CXCL12: variants seen among roughly 807,000 people sequenced by gnomAD.
CXCL12 encodes the protein C-X-C motif chemokine ligand 12.
CXCL12 carries 4 observed loss-of-function variants against 10.7 expected under a neutral mutation model. That is an observed-to-expected ratio of 0.37 (90% CI 0.18 to 0.86). CXCL12 has a LOEUF of 0.86. Ranked by LOEUF, CXCL12 falls within the 40% of genes least tolerant of loss-of-function variation. CXCL12 has a pLI of 0.43. For missense variants in CXCL12, 122 were observed against 110.4 expected (o/e 1.10, Z -0.47); for synonymous variants, 54 against 45.4 (o/e 1.19, Z -0.77).
At chr10:44,373,366 A>G (rs1255208477), downstream of CXCL12, 1 of 1,594,990 alleles carries the variant, frequency 6.3e-7, no homozygotes, top group Non-Finnish European at 8.6e-7. Flanking sequence ...ACAGAGGGAA[A>G]CACCATTAAG....
downstream of CXCL12, chr10:44,374,755 T>C (rs1839408995): frequency 2.3e-6 from 1 of 443,496 alleles, no homozygotes; most frequent in Non-Finnish European, 4.6e-6. Flanking sequence ...CCAACCACTT[T>C]CTCTTTCTGC....
downstream of CXCL12, chr10:44,371,218 A>G (rs1839304243): frequency 4.1e-6 from 1 of 246,384 alleles, no homozygotes; most frequent in African/African-American, 2.3e-5. Flanking sequence ...TTTTCCCTGC[A>G]GTTTCTACTC....
Position 44,378,486 on chromosome 10 carries a change from C to A in CXCL12, c.*147G>T, listed in dbSNP as rs995981792. 3 of 1,537,316 alleles carry A rather than the reference C, an allele frequency of 2.0e-6. No individual in the cohort carries two copies. Among genetic ancestry groups the A allele is most frequent in the African/African-American group, 1.4e-5 (1 of 73,448 alleles). On this transcript the variant is annotated 3_prime_UTR_variant, in exon 3 of 3. Transcript: ENST00000343575. ...TCTAAATGCTGGCAAACCTCAGGCCCGATCCCAGATCAATGTGCCCACCCC... is the reference window on the plus strand; with the variant it reads ...TCTAAATGCTGGCAAACCTCAGGCCAGATCCCAGATCAATGTGCCCACCCC...
chr10:44,377,155 T>C lies in CXCL12; in HGVS notation c.*1478A>G. On this transcript the variant is annotated 3_prime_UTR_variant, in exon 3 of 3. Coordinates refer to ENST00000343575, the MANE Select transcript of CXCL12 (RefSeq NM_199168.4). ...TTATACCATGAAACAATTAGCATTT[T>C]ATTGCTAGTGCATATAATGTCACAT... The C allele has an allele frequency of 1.0e-6, 1 of 986,050 alleles. No individual in the cohort carries two copies. Among genetic ancestry groups the C allele is most frequent in the South Asian group, 4.7e-5 (1 of 21,352 alleles). The allele number at this position is 986,050 out of a possible 1,614,324, so 61.1% of individuals were successfully genotyped here. A position where few individuals can be genotyped will look rare whatever the true frequency, so the allele number is the denominator to read the frequency against.
intron 2 of CXCL12, 58 bp from the exon 3 acceptor site, chr10:44,378,781 C>T (rs958441574): frequency 1.5e-5 from 23 of 1,542,312 alleles, no homozygotes; most frequent in Admixed American, 1.7e-5. Context: ...GCGGCTGCAA[C>T]GTGTGCATCC....
downstream of CXCL12, chr10:44,374,354 C>G (rs772857984): frequency 4.7e-6 from 2 of 427,704 alleles, no homozygotes; most frequent in East Asian, 1.4e-4. Context: ...CCTCTCGGGG[C>G]GCTTTTGTCA....
downstream of CXCL12, chr10:44,376,124 G>T (rs548994243): frequency 6.4e-5 from 89 of 1,383,716 alleles, 1 homozygote; most frequent in Middle Eastern, 1.8e-4. Context: ...CCGTGTACTG[G>T]TTAAACTGTG....
chr10:44,372,645 A>G (rs905606637), downstream of CXCL12: 62 of 1,365,528 alleles, frequency 4.5e-5, no homozygotes, highest in East Asian at 1.4e-4. Flanking sequence ...AGGGCCATGG[A>G]GACAGTCGTG....
Position 44,378,683 on chromosome 10 carries a change from G to A in CXCL12, c.220C>T (p.Pro74Ser), listed in dbSNP as rs751373365. 3.7e-6 allele frequency: 6 copies of A among 1,614,048 alleles called. No homozygotes were observed. The highest frequency in any genetic ancestry group is 5.1e-6 in the Non-Finnish European group (6 of 1,180,048). Residue 74 changes from proline to serine, a missense_variant, in exon 3 of 3, where the codon CCG becomes TCG. Transcript: ENST00000343575. ...TACTCCTGAATCCACTTTAGCTTCG[G>A]GTCAATGCACACTTGTCTGTTGTTG... ...KNNNRQVCID[P>S]KLKWIQEYLE...
downstream of CXCL12, among the ~76,000 whole-genome samples, chr10:44,373,589 C>T (rs531917306): frequency 5.3e-5 from 8 of 152,336 alleles, no homozygotes; most frequent in African/African-American, 1.4e-4. Context: ...GTGGCAAGCA[C>T]TGGGCGTGGC....
rs374272681 is a variant in CXCL12 at position 44,380,904 on chromosome 10, G to A, written c.62-24C>T. The A allele has an allele frequency of 2.1e-5, 34 of 1,593,844 alleles. No individual in the cohort carries two copies. The East Asian group carries it at 3.4e-4, about 16-fold the overall frequency. ...CCCTAGAAGAGGTAAGGACAACAAGGCACTTTACTACCCTGCCAGATTTTG... is the reference window on the plus strand; with the variant it reads ...CCCTAGAAGAGGTAAGGACAACAAGACACTTTACTACCCTGCCAGATTTTG... On this transcript the variant is annotated intron_variant, in intron 1 of 2. Transcript: ENST00000343575.
At chr10:44,371,075 A>G, downstream of CXCL12, 1 of 215,276 alleles carries the variant, frequency 4.6e-6, no homozygotes, top group Non-Finnish European at 9.4e-6. Flanking sequence ...AGCAGTTCGA[A>G]AGCAAAAAGA....
chr10:44,373,098 T>G (rs1319084119), downstream of CXCL12: 1 of 1,536,008 alleles, frequency 6.5e-7, no homozygotes, highest in African/African-American at 1.4e-5. Context: ...GGCCTTAGTC[T>G]AAGCTGCTAC....
chr10:44,376,486 G>T (rs1281277215), downstream of CXCL12, among the ~76,000 whole-genome samples: 1 of 152,198 alleles, frequency 6.6e-6, no homozygotes, highest in African/African-American at 2.4e-5. Flanking sequence ...GAGGCTGCAG[G>T]CCCCAGGTTC....
chr10:44,375,385 T>A (rs992267973), downstream of CXCL12, among the ~76,000 whole-genome samples: 7 of 152,160 alleles, frequency 4.6e-5, no homozygotes, highest in Non-Finnish European at 8.8e-5. Flanking sequence ...CAATGGGTAT[T>A]TGGAAAAAGC....
downstream of CXCL12, chr10:44,372,906 G>A (rs1839349453): frequency 1.3e-6 from 2 of 1,535,786 alleles, no homozygotes; most frequent in Non-Finnish European, 1.7e-6. Context: ...TGCCCAGGTT[G>A]ACTGGTCCTG....
chr10:44,381,737 G>A (rs1310063230), intron 1 of CXCL12, among the ~76,000 whole-genome samples: 3 of 152,322 alleles, frequency 2.0e-5, no homozygotes, highest in Non-Finnish European at 4.4e-5. Flanking sequence ...GGATTTGTGT[G>A]TGCTTTTTGT....
chr10:44,371,894 G>A (rs932175167), downstream of CXCL12: 1 of 152,456 alleles, frequency 6.6e-6, no homozygotes, highest in African/African-American at 2.4e-5. Context: ...CATTTTAAGT[G>A]GCTTAATACA....
chr10:44,375,794 C>T, downstream of CXCL12: 1 of 1,460,822 alleles, frequency 6.8e-7, no homozygotes, highest in Non-Finnish European at 9.1e-7. Context: ...GCCGGTGTGG[C>T]TGGCAGGGCA....
Sources: allele counts gnomAD v4.1 joint callset (sites outside exome capture counted in the v4.1 genomes callset), GRCh38; gene constraint gnomAD v4.1.1; transcripts MANE v1.5; gene names NCBI Gene and HGNC (gene_info 2026-07-23, HGNC 2026-07-21).